The following ITGA8 variants were observed in gnomAD, a reference collection of about 807,000 sequenced individuals.
The protein encoded by ITGA8 is integrin alpha-8.
ITGA8 carries 91 observed loss-of-function variants against 142.3 expected under a neutral mutation model. The observed-to-expected ratio is 0.64, with a 90% CI of 0.54 to 0.76. The LOEUF is 0.76. Ranked by LOEUF, ITGA8 falls within the 30% of genes least tolerant of loss-of-function variation. ITGA8 has a pLI of 0.00. For synonymous variants in ITGA8, 505 were observed against 485.2 expected (o/e 1.04, Z -0.54); for missense variants, 1,406 against 1,327.7 (o/e 1.06, Z -0.92).
chr10:15,541,584 A>G (rs1267340067), intron 27 of ITGA8, among the ~76,000 whole-genome samples: 3 of 152,228 alleles, frequency 2.0e-5, no homozygotes, highest in African/African-American at 7.2e-5. Context: ...CTTGTGTACC[A>G]GCCAAGCCTA....
chr10:15,644,519 G>T (rs1833942608), intron 12 of ITGA8, among the ~76,000 whole-genome samples: 2 of 114,342 alleles, frequency 1.7e-5, no homozygotes, highest in South Asian at 2.9e-4. Context: ...TTGAGCAATG[G>T]GTCCTTGCTT....
chr10:15,533,913 C>CGTTT (rs1554769643), intron 27 of ITGA8, among the ~76,000 whole-genome samples: 5 of 146,698 alleles, frequency 3.4e-5, no homozygotes, highest in African/African-American at 5.0e-5. Context: ...CATCACCAAT[C>CGTTT]TTTTTTTTTT....
At chr10:15,532,001 G>T (rs1266118208) in intron 27 of ITGA8, among the ~76,000 whole-genome samples, 2 of 126,744 alleles carry the variant, frequency 1.6e-5, no homozygotes, top group African/African-American at 5.8e-5. Context: ...TCACAACAGG[G>T]TTTCTTGGCC....
At chr10:15,628,385 A>G (rs1192394793) in intron 13 of ITGA8, among the ~76,000 whole-genome samples, 3 of 128,788 alleles carry the variant, frequency 2.3e-5, no homozygotes, top group African/African-American at 6.1e-5. Flanking sequence ...GCAGGCTGGA[A>G]TGCAGTGGCC....
At chr10:15,521,045 G>A (rs1833057641) in intron 28 of ITGA8, among the ~76,000 whole-genome samples, 1 of 152,182 alleles carries the variant, frequency 6.6e-6, no homozygotes, top group South Asian at 2.1e-4. Context: ...GTGAGACAGT[G>A]TCTCACTCTG....
At chr10:15,626,926 T>C (rs1313354763) in intron 13 of ITGA8, among the ~76,000 whole-genome samples, 1 of 152,190 alleles carries the variant, frequency 6.6e-6, no homozygotes, top group African/African-American at 2.4e-5. Flanking sequence ...TGATGTGTGA[T>C]GGCAGCCTTG....
chr10:15,677,804 C>A (rs1203821594), intron 5 of ITGA8, among the ~76,000 whole-genome samples, 167 bp from the exon 6 acceptor site: 1 of 152,130 alleles, frequency 6.6e-6, no homozygotes, highest in Non-Finnish European at 1.5e-5. Context: ...TTTCTTTCCT[C>A]TTTTGTTTTC....
intron 28 of ITGA8, among the ~76,000 whole-genome samples, chr10:15,530,438 C>G (rs1363747813): frequency 2.1e-5 from 3 of 143,274 alleles, no homozygotes; most frequent in Non-Finnish European, 4.5e-5. Context: ...CCTAGCTACT[C>G]GGGAGGCTGA....
At chr10:15,530,948 T>C in intron 28 of ITGA8, 102 bp downstream of exon 28, 1 of 707,816 alleles carries the variant, frequency 1.4e-6, no homozygotes, top group Non-Finnish European at 2.3e-6. Context: ...AAAATTTTTC[T>C]CAAGTCAATG....
At chr10:15,533,870 T>G (rs1304098109) in intron 27 of ITGA8, among the ~76,000 whole-genome samples, 1 of 152,108 alleles carries the variant, frequency 6.6e-6, no homozygotes, top group African/African-American at 2.4e-5. Context: ...TGCTGTTGGC[T>G]GCAGTTTGAT....
rs1033137443 is a variant in ITGA8 at position 15,679,334 on chromosome 10, C to T, written c.569-551G>A. Among the ~76,000 whole-genome samples, 7 of 152,122 alleles carry T rather than the reference C, an allele frequency of 4.6e-5. 1 individual carries two copies. The East Asian group carries it at 1.4e-3, about 29-fold the overall frequency. ...TTGTGGTGGCTCATGCCTGTAATCC[C>T]AGCACTTTGGGAGGCCAAGGTGCGC... On this transcript the variant is annotated intron_variant, in intron 4 of 29. Coordinates refer to ENST00000378076, the MANE Select transcript of ITGA8 (RefSeq NM_003638.3).
chr10:15,546,942 G>A (rs188621188), intron 27 of ITGA8, among the ~76,000 whole-genome samples: 8 of 151,942 alleles, frequency 5.3e-5, no homozygotes, highest in East Asian at 3.9e-4. Flanking sequence ...AATTTCCCTC[G>A]TTTTTATTTT....
intron 2 of ITGA8, among the ~76,000 whole-genome samples, chr10:15,717,202 T>G (rs992797359): frequency 1.3e-5 from 2 of 152,200 alleles, no homozygotes; most frequent in Non-Finnish European, 2.9e-5. Flanking sequence ...ACAAGAAGAT[T>G]ATTAAATTCT....
intron 25 of ITGA8, among the ~76,000 whole-genome samples, chr10:15,568,793 C>G (rs1952908023): frequency 6.6e-6 from 1 of 152,156 alleles, no homozygotes; most frequent in Non-Finnish European, 1.5e-5. Context: ...GGACTGCTGC[C>G]ATATGAGTAA....
At chr10:15,588,516 A>G (rs993807953) in intron 22 of ITGA8, among the ~76,000 whole-genome samples, 2 of 152,228 alleles carry the variant, frequency 1.3e-5, no homozygotes, top group African/African-American at 4.8e-5. Flanking sequence ...GAAGTAATTA[A>G]GTAATTTTAC....
chr10:15,547,647 C>A (rs945607194), intron 27 of ITGA8, among the ~76,000 whole-genome samples: 1 of 152,160 alleles, frequency 6.6e-6, no homozygotes, highest in Non-Finnish European at 1.5e-5. Flanking sequence ...GCAGAGCCAA[C>A]CACAGGAGTG....
At chr10:15,664,105 G>A (rs1375520738) in intron 8 of ITGA8, among the ~76,000 whole-genome samples, 5 of 152,140 alleles carry the variant, frequency 3.3e-5, no homozygotes, top group African/African-American at 1.2e-4. Context: ...ATTCTCAGAA[G>A]AATCTTAGGA....
chr10:15,561,209 C>CTATATATATATATATATATATATA (rs529527480), intron 25 of ITGA8, among the ~76,000 whole-genome samples: 1 of 116,936 alleles, frequency 8.6e-6, no homozygotes, highest in African/African-American at 3.7e-5. Flanking sequence ...TATCTGTTGG[C>CTATATATATATATATATATATATA]TATATATATA....
intron 27 of ITGA8, among the ~76,000 whole-genome samples, chr10:15,548,069 A>T (rs986954189): frequency 7.3e-5 from 11 of 151,676 alleles, no homozygotes; most frequent in South Asian, 2.1e-4. Flanking sequence ...TGTAAAAAAA[A>T]TTTTTTTAAG....
Sources: allele counts gnomAD v4.1 joint callset (sites outside exome capture counted in the v4.1 genomes callset), GRCh38; gene constraint gnomAD v4.1.1; transcripts MANE v1.5; gene names NCBI Gene and HGNC (gene_info 2026-07-23, HGNC 2026-07-21).